The following IL7 variants were observed in gnomAD, a reference collection of about 807,000 sequenced individuals.
The protein encoded by IL7 is interleukin 7, also known as interleukin-7.
A neutral mutation model predicts 21.6 loss-of-function variants in IL7; 3 were observed. The observed-to-expected ratio is 0.14, with a 90% confidence interval of 0.06 to 0.36. The LOEUF (loss-of-function observed/expected upper bound fraction) is 0.36, where lower values mean the gene tolerates loss of function less well. IL7 is among the 10% of genes least tolerant of loss of function. The probability of loss-of-function intolerance (pLI) is 1.00; values close to 1 mark genes in which losing one functional copy is unlikely to be tolerated. For missense variants in IL7, 175 were observed against 200.2 expected, an observed-to-expected ratio of 0.87 and a Z score of 0.76; for synonymous variants, 62 against 68.1, an observed-to-expected ratio of 0.91 and a Z score of 0.44.
At chr8:78,709,144 A>ATTTTTT (rs1563638626) in intron 3 of IL7, among the ~76,000 whole-genome samples, 1 of 152,204 alleles carries the variant, frequency 6.6e-6, no homozygotes, top group African/African-American at 2.4e-5. Context: ...AATATCAGAG[A>ATTTTTT]TTTACTTCCT....
chr8:78,765,693 A>G lies in IL7; in HGVS notation c.148-25611T>C, dbSNP rs188567331. On this transcript the variant is annotated intron_variant, in intron 2 of 5. Coordinates refer to ENST00000263851, the MANE Select transcript of IL7 (RefSeq NM_000880.4). ...ACACTGACCACAGTAAATGCTGGCA[A>G]GGATGTAAAGCAAAAAGAATTCTCA... 3.8e-3 allele frequency among the ~76,000 whole-genome samples: 572 copies of G among 152,272 alleles called. 2 individuals are homozygous for G. Among genetic ancestry groups the G allele is most frequent in the Non-Finnish European group, 6.6e-3 (449 of 67,970 alleles).
chr8:78,686,893 C>T (rs1215058432), intron 3 of IL7, among the ~76,000 whole-genome samples: 1 of 151,828 alleles, frequency 6.6e-6, no homozygotes, highest in Non-Finnish European at 1.5e-5. Context: ...TGTGAGTATT[C>T]CAGGAAATAT....
intron 2 of IL7, among the ~76,000 whole-genome samples, chr8:78,756,883 A>G (rs1189244931): frequency 1.3e-5 from 2 of 151,096 alleles, no homozygotes; most frequent in Non-Finnish European, 3.0e-5. Flanking sequence ...TTTAGTTTCT[A>G]TTTCCTTTTT....
intron 3 of IL7, among the ~76,000 whole-genome samples, chr8:78,704,387 CAAAA>C (rs1307275741): frequency 7.7e-5 from 5 of 65,254 alleles, no homozygotes; most frequent in Non-Finnish European, 1.3e-4. Context: ...GACTCCATCT[CAAAA>C]AAAAAAAAAA....
intron 3 of IL7, among the ~76,000 whole-genome samples, chr8:78,726,447 T>C (rs1462049447): frequency 6.6e-6 from 1 of 151,954 alleles, no homozygotes; most frequent in African/African-American, 2.4e-5. Context: ...TTATGTATGC[T>C]TTAGAGGCCA....
intron 2 of IL7, among the ~76,000 whole-genome samples, chr8:78,784,342 C>T (rs1365880014): frequency 6.6e-6 from 1 of 152,128 alleles, no homozygotes; most frequent in East Asian, 1.9e-4. Context: ...TCCTGGACTT[C>T]CAGCCTCCAG....
chr8:78,742,856 G>T (rs1226479128), intron 2 of IL7, among the ~76,000 whole-genome samples: 1 of 151,990 alleles, frequency 6.6e-6, no homozygotes, highest in Non-Finnish European at 1.5e-5. Context: ...TCCATTAATT[G>T]TTTTTTGATC....
At chr8:78,757,700 T>A (rs770659390) in intron 2 of IL7, among the ~76,000 whole-genome samples, 3 of 152,118 alleles carry the variant, frequency 2.0e-5, no homozygotes, top group Non-Finnish European at 4.4e-5. Context: ...GATATAAGTA[T>A]AGCTACTCCT....
At chr8:78,702,429 T>G (rs576089838) in intron 3 of IL7, among the ~76,000 whole-genome samples, 2 of 152,338 alleles carry the variant, frequency 1.3e-5, no homozygotes, top group East Asian at 3.9e-4. Flanking sequence ...CCTAGATTTG[T>G]TGATCTTTTG....
At chr8:78,766,528 G>C (rs185244657) in intron 2 of IL7, among the ~76,000 whole-genome samples, 1 of 152,200 alleles carries the variant, frequency 6.6e-6, no homozygotes, top group Non-Finnish European at 1.5e-5. Flanking sequence ...AGGGTTTTAT[G>C]AGGGTATTTT....
chr8:78,753,951 C>T (rs1812262271), intron 2 of IL7, among the ~76,000 whole-genome samples: 1 of 152,008 alleles, frequency 6.6e-6, no homozygotes, highest in African/African-American at 2.4e-5. Context: ...GTTCCATTAC[C>T]ATGCTGTTCG....
intron 4 of IL7, among the ~76,000 whole-genome samples, chr8:78,680,591 A>G (rs1050138998): frequency 6.6e-6 from 1 of 152,240 alleles, no homozygotes; most frequent in Non-Finnish European, 1.5e-5. Flanking sequence ...CTACAAAATC[A>G]TAAGCAGAGT....
chr8:78,740,428 G>A (rs1287279457), intron 2 of IL7, among the ~76,000 whole-genome samples: 1 of 152,146 alleles, frequency 6.6e-6, no homozygotes, highest in African/African-American at 2.4e-5. Context: ...ATTAAGTTGA[G>A]ATGAACTTAA....
chr8:78,682,782 G>A (rs1018295428), intron 4 of IL7, among the ~76,000 whole-genome samples: 3 of 152,136 alleles, frequency 2.0e-5, no homozygotes, highest in Admixed American at 6.5e-5. Context: ...TTCAATCTGA[G>A]ACAAGGCAAG....
intron 2 of IL7, chr8:78,747,217 G>C (rs886314423): frequency 2.0e-4 from 73 of 359,518 alleles, no homozygotes; most frequent in Middle Eastern, 9.8e-4. Context: ...TTTGAGATGG[G>C]GTCTGTTGCC....
At chr8:78,797,139 A>G (rs1204106391) in intron 2 of IL7, among the ~76,000 whole-genome samples, 1 of 152,000 alleles carries the variant, frequency 6.6e-6, no homozygotes, top group African/African-American at 2.4e-5. Context: ...GCTAAGTGAA[A>G]GAATCCAGTC....
intron 1 of IL7, among the ~76,000 whole-genome samples, chr8:78,802,963 G>T (rs1439185072): frequency 6.6e-6 from 1 of 152,106 alleles, no homozygotes; most frequent in Admixed American, 6.5e-5. Context: ...TTCAGAAAAA[G>T]AGACTAAATA....
At chr8:78,787,423 T>A (rs1813548766) in intron 2 of IL7, among the ~76,000 whole-genome samples, 1 of 152,304 alleles carries the variant, frequency 6.6e-6, no homozygotes, top group East Asian at 1.9e-4. Context: ...CTCTCACACA[T>A]TTGGTCATAG....
At chr8:78,781,397 T>G (rs1813325764) in intron 2 of IL7, among the ~76,000 whole-genome samples, 1 of 152,224 alleles carries the variant, frequency 6.6e-6, no homozygotes, top group African/African-American at 2.4e-5. Context: ...CAGTAACTCT[T>G]GCATGGCAGG....
Sources: allele counts gnomAD v4.1 joint callset (sites outside exome capture counted in the v4.1 genomes callset), GRCh38; gene constraint gnomAD v4.1.1; transcripts MANE v1.5; gene names NCBI Gene and HGNC (gene_info 2026-07-23, HGNC 2026-07-21).